The following CCDC88C variants were observed in gnomAD, a reference collection of about 807,000 sequenced individuals.
The protein encoded by CCDC88C is protein Daple.
CCDC88C carries 131 observed loss-of-function variants against 198.8 expected under a neutral mutation model. That is an observed-to-expected ratio of 0.66 (90% CI 0.57 to 0.76). The LOEUF is 0.76. Ranked by LOEUF, CCDC88C falls within the 30% of genes least tolerant of loss-of-function variation. CCDC88C has a pLI of 0.00. For missense variants in CCDC88C, 2,553 were observed against 2,631.6 expected, an observed-to-expected ratio of 0.97 and a Z score of 0.65; for synonymous variants, 1,166 against 1,114.7, an observed-to-expected ratio of 1.05 and a Z score of -0.92.
intron 5 of CCDC88C, among the ~76,000 whole-genome samples, chr14:91,343,395 G>A (rs962465985): frequency 1.3e-5 from 2 of 152,096 alleles, no homozygotes; most frequent in African/African-American, 4.8e-5. Flanking sequence ...TCCCCATCTC[G>A]CCTCCTGCCC....
intron 3 of CCDC88C, among the ~76,000 whole-genome samples, chr14:91,393,039 A>G (rs1015664523): frequency 6.6e-6 from 1 of 152,202 alleles, no homozygotes; most frequent in Non-Finnish European, 1.5e-5. Flanking sequence ...AGGGAGAGAC[A>G]GTACCGGAGT....
intron 4 of CCDC88C, among the ~76,000 whole-genome samples, chr14:91,347,672 A>G (rs1366835204): frequency 6.6e-6 from 1 of 152,218 alleles, no homozygotes; most frequent in Non-Finnish European, 1.5e-5. Context: ...ATCATTAAAA[A>G]GTCAGGAAAC....
chr14:91,325,918 G>C lies in CCDC88C; in HGVS notation c.1189C>G (p.Leu397Val). ...AACACAGCCTGCAGTACCAATTCCA[G>C]GTCGTGAAGCTTGGATTTCAGCTGC... Reference protein sequence around the residue: ...NLQLKSKLHDLELDRDTDKKR... With the variant: ...NLQLKSKLHDVELDRDTDKKR... The change falls in exon 11 of 30, where the codon CTG becomes GTG. Residue 397 changes from leucine (L) to valine (V), a missense_variant. Transcript: ENST00000389857. The surrounding 1 kb of genome is among the most constrained non-coding windows in gnomAD (Gnocchi z 4.1). The C allele has an allele frequency of 6.4e-7, 1 of 1,552,152 alleles. No individual in the cohort carries two copies. The highest frequency in any genetic ancestry group is 8.7e-7 in the Non-Finnish European group (1 of 1,147,186).
chr14:91,354,694 G>C (rs1046495934), intron 4 of CCDC88C, among the ~76,000 whole-genome samples: 1 of 152,134 alleles, frequency 6.6e-6, no homozygotes, highest in Non-Finnish European at 1.5e-5. Context: ...AGAGAGAAAG[G>C]TGGGCCCCCT....
chr14:91,300,037 C>CA lies in CCDC88C; in HGVS notation c.3668dup (p.Glu1224GlyfsTer10). ...TGGTCAAGACCTTCTCCCGCTCCTC[C>CA]AGCTCCGCCTTGCGCTTCAGCATGT... On this transcript the variant is annotated frameshift_variant, in exon 21 of 30. Coordinates refer to ENST00000389857, the MANE Select transcript of CCDC88C (RefSeq NM_001080414.4). LOFTEE classifies it high-confidence loss of function. 6.2e-7 allele frequency: 1 copy of CA among 1,607,356 alleles called. No individual in the cohort carries two copies. Among genetic ancestry groups the CA allele is most frequent in the Non-Finnish European group, 8.5e-7 (1 of 1,177,210 alleles).
At chr14:91,287,528 G>C (rs948170520) in intron 25 of CCDC88C, among the ~76,000 whole-genome samples, 7 of 152,060 alleles carry the variant, frequency 4.6e-5, no homozygotes, top group Non-Finnish European at 1.0e-4. Context: ...GGTAGATGGG[G>C]GTTTCCCTGT....
chr14:91,339,141 G>A lies in CCDC88C; in HGVS notation c.809+137C>T. 1 of 1,030,376 alleles carries A rather than the reference G, an allele frequency of 9.7e-7. No individual in the cohort carries two copies. The highest frequency in any genetic ancestry group is 1.5e-6 in the Non-Finnish European group (1 of 680,558). The allele number at this position is 1,030,376 out of a possible 1,614,324, so 63.8% of individuals were successfully genotyped here. On this transcript the variant is annotated intron_variant, in intron 8 of 29. Transcript: ENST00000389857. This position sits in a 1 kb window ranked among gnomAD's most constrained non-coding sequence, Gnocchi z 5.8. ...CAGCTAGTCCGAGGTCAAAGAGTAA[G>A]CTCAGGGCAGACCCCAGCTGACTCC...
Position 91,338,173 on chromosome 14 carries a change from G to A in CCDC88C, c.892-10C>T. On this transcript the variant is annotated splice_polypyrimidine_tract_variant and intron_variant, in intron 9 of 29. Coordinates refer to ENST00000389857, the MANE Select transcript of CCDC88C (RefSeq NM_001080414.4). The surrounding 1 kb of genome is among the most constrained non-coding windows in gnomAD (Gnocchi z 4.8). ...CCGCTAGCTGGATGTTCTGCAAGGT[G>A]GACAAAGGCAGGAGAACCTAGCTTA... 6.2e-7 allele frequency: 1 copy of A among 1,612,774 alleles called. No individual in the cohort carries two copies. Among genetic ancestry groups the A allele is most frequent in the Non-Finnish European group, 8.5e-7 (1 of 1,179,070 alleles).
intron 3 of CCDC88C, among the ~76,000 whole-genome samples, chr14:91,367,734 G>A (rs2139920772): frequency 6.6e-6 from 1 of 152,268 alleles, no homozygotes; most frequent in South Asian, 2.1e-4. Context: ...GAGGGACAGA[G>A]CCAGGAAATG....
Position 91,288,005 on chromosome 14 carries a change from T to G in CCDC88C, c.4441+1100A>C, listed in dbSNP as rs1270139416. Among the ~76,000 whole-genome samples, 1 of 152,218 alleles carries G rather than the reference T, an allele frequency of 6.6e-6. No homozygotes were observed. The highest frequency in any genetic ancestry group is 2.4e-5 in the African/African-American group (1 of 41,464). The stretch of plus-strand genomic sequence containing the variant: ...GGAGGCAATTTCAGTGATGTCTCAG[T>G]CACCACTGGCCAGGTGGCCACGGTG... On this transcript the variant is annotated intron_variant, in intron 25 of 29. Coordinates refer to ENST00000389857, the MANE Select transcript of CCDC88C (RefSeq NM_001080414.4). The surrounding 1 kb of genome is among the most constrained non-coding windows in gnomAD (Gnocchi z 4.2).
intron 16 of CCDC88C, among the ~76,000 whole-genome samples, chr14:91,309,327 G>A (rs1189944201): frequency 1.3e-5 from 2 of 152,196 alleles, no homozygotes; most frequent in African/African-American, 4.8e-5. Flanking sequence ...GCGTGGCTGG[G>A]AGCAGTGGCT....
Position 91,324,820 on chromosome 14 carries a change from C to T in CCDC88C, c.1301G>A (p.Trp434Ter). 6.2e-7 allele frequency: 1 copy of T among 1,613,286 alleles called. No individual in the cohort carries two copies. The highest frequency in any genetic ancestry group is 8.5e-7 in the Non-Finnish European group (1 of 1,179,892). The change falls in exon 12 of 30, where the codon TGG becomes TAG. Residue 434 changes from tryptophan to a stop codon, truncating the protein, a stop_gained. Transcript: ENST00000389857. LOFTEE classifies it high-confidence loss of function. ...GTTCTTGGACAGCTGCTCCAGCTCC[C>T]AGCCAAGGTGGGCAGATTCGTTCAT... Reference protein sequence around the residue: ...QSMNESAHLGWELEQLSKNAD... With the variant: ...QSMNESAHLG
chr14:91,352,760 GCCGACC>G lies in CCDC88C; in HGVS notation c.340+6876_340+6881del, dbSNP rs1596103209. Reference sequence around the variant, plus strand: ...AAGAATGGCTCATGAAGCCTGAGTGGCCGACCCTCAGCCTCCACACCACACGGTGAG... The same window carrying G: ...AAGAATGGCTCATGAAGCCTGAGTGGCTCAGCCTCCACACCACACGGTGAG... On this transcript the variant is annotated intron_variant, in intron 4 of 29. Transcript: ENST00000389857. This position sits in a 1 kb window ranked among gnomAD's most constrained non-coding sequence, Gnocchi z 4.2. Among the ~76,000 whole-genome samples, 8 of 152,210 alleles carry G rather than the reference GCCGACC, an allele frequency of 5.3e-5. No homozygotes were observed. In the East Asian group the frequency reaches 1.5e-3, roughly 29 times the overall value.
chr14:91,326,039 ATTATC>A lies in CCDC88C; in HGVS notation c.1063_1067del (p.Asp355TyrfsTer5). ...TGGCCTTGGTTTCAATTAAAATGAT[ATTATC>A]TTCTCTCAGCTCCTGGTTAGCAAAA... On this transcript the variant is annotated frameshift_variant, in exon 11 of 30. Transcript: ENST00000389857. LOFTEE classifies it high-confidence loss of function. 6.2e-7 allele frequency: 1 copy of A among 1,609,360 alleles called. No homozygotes were observed. The highest frequency in any genetic ancestry group is 8.5e-7 in the Non-Finnish European group (1 of 1,177,802).
At chr14:91,310,777 C>T (rs570501742) in intron 15 of CCDC88C, among the ~76,000 whole-genome samples, 3 of 152,318 alleles carry the variant, frequency 2.0e-5, no homozygotes, top group Admixed American at 1.3e-4. Flanking sequence ...CCCCAGTTTA[C>T]GTCAGCACCT....
At chr14:91,349,130 A>G (rs1348400711) in intron 4 of CCDC88C, among the ~76,000 whole-genome samples, 1 of 152,232 alleles carries the variant, frequency 6.6e-6, no homozygotes, top group African/African-American at 2.4e-5. Flanking sequence ...TCAGTGACAC[A>G]GTCAAGCAGG....
chr14:91,293,349 C>CAT (rs1453343573), intron 23 of CCDC88C, among the ~76,000 whole-genome samples: 36 of 114,372 alleles, frequency 3.1e-4, no homozygotes, highest in Middle Eastern at 5.2e-3. Context: ...CCTTCCTGTC[C>CAT]CCTCGCCTGC....
chr14:91,277,803 G>C, intron 29 of CCDC88C, 119 bp downstream of exon 29: 1 of 1,197,752 alleles, frequency 8.3e-7, no homozygotes, highest in Non-Finnish European at 1.1e-6. Flanking sequence ...TCATGTCCAA[G>C]CCAGTCCTGT....
chr14:91,315,025 T>C (rs1363527968), intron 14 of CCDC88C, among the ~76,000 whole-genome samples: 4 of 152,188 alleles, frequency 2.6e-5, no homozygotes, highest in Admixed American at 1.3e-4. Context: ...CTTGGTGCCC[T>C]GGCATTCTTT....
Sources: gnomAD v4.1 joint callset for allele counts (sites outside exome capture counted in the v4.1 genomes callset) on GRCh38, gnomAD v4.1.1 for gene constraint, Gnocchi (gnomAD v3.1) non-coding constraint, MANE v1.5 for transcripts, NCBI Gene and HGNC (gene_info 2026-07-23, HGNC 2026-07-21) for gene names.